Variants in EEFSEC observed in about 807,000 individuals in gnomAD.
EEFSEC encodes eukaryotic elongation factor, selenocysteine-tRNA specific.
In EEFSEC, 43 loss-of-function variants were observed where a neutral mutation model predicts 42.1. The observed-to-expected ratio is 1.02, with a 90% CI of 0.80 to 1.32. The LOEUF (loss-of-function observed/expected upper bound fraction) is 1.32, where lower values mean the gene tolerates loss of function less well. Ranked by LOEUF, EEFSEC falls within the 40% of genes most tolerant of loss-of-function variation. The pLI is 0.00. For missense variants in EEFSEC, 745 were observed against 803.6 expected (o/e 0.93, Z 0.88); for synonymous variants, 354 against 339.1 (o/e 1.04, Z -0.48).
chr3:128,177,017 G>A (rs2065356490), intron 1 of EEFSEC, among the ~76,000 whole-genome samples: 1 of 132,612 alleles, frequency 7.5e-6, no homozygotes, highest in Middle Eastern at 4.1e-3. Flanking sequence ...TTATTTTTGA[G>A]ACAGAGTCTC....
In EEFSEC at chr3:128,396,040, C is replaced by T. The variant is rs79275118; in HGVS notation, c.1601-12029C>T. ...TCATCCCTGCCTGCCCTGCAGGTGTCAAGGCCTGCCTTCAGGACCTGAGAT... is the reference window on the plus strand; with the variant it reads ...TCATCCCTGCCTGCCCTGCAGGTGTTAAGGCCTGCCTTCAGGACCTGAGAT... On this transcript the variant is annotated intron_variant, in intron 6 of 6. Transcript: ENST00000254730. 6.6e-4 allele frequency among the ~76,000 whole-genome samples: 100 copies of T among 152,340 alleles called. No homozygotes were observed. In the East Asian group the frequency reaches 0.014, roughly 21 times the overall value.
intron 6 of EEFSEC, among the ~76,000 whole-genome samples, chr3:128,361,873 T>G (rs1339988561): frequency 6.6e-6 from 1 of 152,188 alleles, no homozygotes; most frequent in African/African-American, 2.4e-5. Context: ...AGGAAGGAGC[T>G]GGACATGGAG....
chr3:128,395,572 G>A (rs182114167), intron 6 of EEFSEC, among the ~76,000 whole-genome samples: 1 of 152,266 alleles, frequency 6.6e-6, no homozygotes, highest in Admixed American at 6.5e-5. Context: ...GAGAAAACTA[G>A]CTCTGCATTT....
rs1944294573 is a variant in EEFSEC at position 128,153,569 on chromosome 3, C to G, written c.62C>G (p.Thr21Arg). ...GVLGHIDSGK[T>R]ALARALSTTA... ...CTGGGCCACATCGACAGCGGCAAGA[C>G]GGCGCTGGCGCGGGCGCTAAGCACC... is the stretch of plus-strand genomic sequence containing the variant. The change falls in exon 1 of 7, where the codon ACG (threonine) becomes AGG (arginine). Residue 21 changes from threonine to arginine, a missense_variant. By Grantham distance (71) the Thr-to-Arg change is moderately conservative. Coordinates refer to ENST00000254730, the MANE Select transcript of EEFSEC (RefSeq NM_021937.5). The G allele has an allele frequency of 5.8e-6, 9 of 1,541,102 alleles. No homozygotes were observed. The highest frequency in any genetic ancestry group is 7.8e-6 in the Non-Finnish European group (9 of 1,150,822).
At chr3:128,365,856 T>C (rs1361689970) in intron 6 of EEFSEC, among the ~76,000 whole-genome samples, 1 of 152,224 alleles carries the variant, frequency 6.6e-6, no homozygotes, top group African/African-American at 2.4e-5. Context: ...TCCCTCCTGA[T>C]TGAAAACAGA....
At chr3:128,375,815 G>C (rs1186913935) in intron 6 of EEFSEC, among the ~76,000 whole-genome samples, 1 of 152,228 alleles carries the variant, frequency 6.6e-6, no homozygotes, top group Admixed American at 6.5e-5. Context: ...GGTCTTTGCT[G>C]TGTTAGTCTG....
chr3:128,391,651 G>T (rs2067914467), intron 6 of EEFSEC, among the ~76,000 whole-genome samples: 1 of 152,188 alleles, frequency 6.6e-6, no homozygotes, highest in Non-Finnish European at 1.5e-5. Context: ...TTTAAAGTTT[G>T]GTTCCTGGCA....
intron 4 of EEFSEC, among the ~76,000 whole-genome samples, chr3:128,302,037 TGTTA>T (rs756394494): frequency 4.6e-5 from 7 of 152,064 alleles, no homozygotes; most frequent in Non-Finnish European, 8.8e-5. Context: ...TTGGTTAGAG[TGTTA>T]GTTAAACCAT....
chr3:128,321,119 G>T (rs1298337065), intron 4 of EEFSEC, among the ~76,000 whole-genome samples: 1 of 152,176 alleles, frequency 6.6e-6, no homozygotes, highest in Non-Finnish European at 1.5e-5. Flanking sequence ...GCTGCTGAGA[G>T]GCAGTGGAGC....
chr3:128,196,139 A>G (rs912369272), intron 1 of EEFSEC, among the ~76,000 whole-genome samples: 1 of 152,238 alleles, frequency 6.6e-6, no homozygotes, highest in Non-Finnish European at 1.5e-5. Flanking sequence ...AGAGGAAAAT[A>G]AAAAGGAAAT....
chr3:128,158,066 A>C (rs779952178), intron 1 of EEFSEC, among the ~76,000 whole-genome samples: 2 of 152,218 alleles, frequency 1.3e-5, no homozygotes, highest in Non-Finnish European at 2.9e-5. Context: ...ACCCTCATGG[A>C]TGACTGAGGG....
chr3:128,366,292 G>A (rs1039891687), intron 6 of EEFSEC, among the ~76,000 whole-genome samples: 1 of 152,254 alleles, frequency 6.6e-6, no homozygotes, highest in Non-Finnish European at 1.5e-5. Flanking sequence ...TGGCCTGGGT[G>A]ACTTGTAGCA....
rs565283312 is a variant in EEFSEC, at chr3:128,214,999, T to C, written c.317-31837T>C. On this transcript the variant is annotated intron_variant, in intron 1 of 6. Transcript: ENST00000254730. ...GAAAGTTGAGGTGGCTGGTGAGGAG[T>C]TGAATTAGAAGACATAGTATTTCAT... is the stretch of plus-strand genomic sequence containing the variant. 7.2e-5 allele frequency among the ~76,000 whole-genome samples: 11 copies of C among 152,146 alleles called. No homozygotes were observed. The East Asian group carries it at 2.1e-3, about 29-fold the overall frequency.
At chr3:128,374,725 A>G (rs2067690892) in intron 6 of EEFSEC, among the ~76,000 whole-genome samples, 1 of 152,256 alleles carries the variant, frequency 6.6e-6, no homozygotes, top group Non-Finnish European at 1.5e-5. Flanking sequence ...TATGCCATAT[A>G]CTTTTCTAAG....
intron 4 of EEFSEC, among the ~76,000 whole-genome samples, chr3:128,331,678 G>A (rs1576644549): frequency 6.6e-6 from 1 of 152,138 alleles, no homozygotes; most frequent in Non-Finnish European, 1.5e-5. Context: ...TAGATGTTGG[G>A]GAGACTCCAG....
intron 1 of EEFSEC, among the ~76,000 whole-genome samples, chr3:128,227,115 T>C (rs1054240018): frequency 1.3e-5 from 2 of 152,232 alleles, no homozygotes; most frequent in Non-Finnish European, 2.9e-5. Flanking sequence ...CTGCTGCTCC[T>C]TCTGAAATGT....
chr3:128,339,568 A>G lies in EEFSEC; in HGVS notation c.787-1665A>G, dbSNP rs2067227578. On this transcript the variant is annotated intron_variant, in intron 4 of 6. Coordinates refer to ENST00000254730, the MANE Select transcript of EEFSEC (RefSeq NM_021937.5). Reference sequence around the variant, plus strand: ...ACTTTTCTATGTCTGTTCCTGATTTACAAACTGTGAATGCAGAAATCTGCC... The same window carrying G: ...ACTTTTCTATGTCTGTTCCTGATTTGCAAACTGTGAATGCAGAAATCTGCC... Among the ~76,000 whole-genome samples the G allele has an allele frequency of 4.6e-5, 7 of 152,204 alleles. No individual in the cohort carries two copies. The South Asian group carries it at 1.4e-3, about 32-fold the overall frequency.
rs571640300 is a variant in EEFSEC, at chr3:128,250,325, C to T, written c.524+3282C>T. On this transcript the variant is annotated intron_variant, in intron 2 of 6. Transcript: ENST00000254730. ...GGAGTCATATCCATGAAACTGTTGC[C>T]GAATCCTGTGTCATGAAGATTTTTA... 1.3e-4 allele frequency among the ~76,000 whole-genome samples: 20 copies of T among 151,922 alleles called. No homozygotes were observed. The East Asian group carries it at 2.5e-3, about 19-fold the overall frequency.
intron 4 of EEFSEC, among the ~76,000 whole-genome samples, chr3:128,329,388 C>A (rs191466402): frequency 8.6e-5 from 13 of 151,610 alleles, no homozygotes; most frequent in Non-Finnish European, 1.6e-4. Context: ...GTGCCAGGGA[C>A]GGAGATTAGT....
Sources: gnomAD v4.1 joint callset for allele counts (sites outside exome capture counted in the v4.1 genomes callset) on GRCh38, gnomAD v4.1.1 for gene constraint, MANE v1.5 for transcripts, NCBI Gene and HGNC (gene_info 2026-07-23, HGNC 2026-07-21) for gene names.